RPTOR: variants seen among roughly 807,000 people sequenced by gnomAD.
RPTOR encodes regulatory associated protein of MTOR complex 1.
Under a neutral mutation model 169.9 loss-of-function variants are expected in RPTOR, and 21 were observed. That is an observed-to-expected ratio of 0.12 (90% confidence interval 0.09 to 0.18). RPTOR has a LOEUF of 0.18. Ranked by LOEUF, RPTOR falls within the 10% of genes least tolerant of loss-of-function variation. The pLI is 1.00. For synonymous variants in RPTOR, 732 were observed against 753.2 expected, an observed-to-expected ratio of 0.97 and a Z score of 0.46; for missense variants, 1,133 against 1,855.9, an observed-to-expected ratio of 0.61 and a Z score of 7.16.
At position 80,577,907 on chromosome 17, in the gene RPTOR, T is replaced by A. The variant is rs532481337; in HGVS notation, c.162+32116T>A. On this transcript the variant is annotated intron_variant, in intron 1 of 33. Coordinates refer to ENST00000306801, the MANE Select transcript of RPTOR (RefSeq NM_020761.3). Reference sequence around the variant, plus strand: ...AACACTTCTTAGGCTTATGCAAACATGTTTAGGTTATTTTAGCTGATTGAA... The same window carrying A: ...AACACTTCTTAGGCTTATGCAAACAAGTTTAGGTTATTTTAGCTGATTGAA... Among the ~76,000 whole-genome samples, 190 of 152,274 alleles carry A rather than the reference T, an allele frequency of 1.2e-3. 1 individual carries two copies. Among genetic ancestry groups the A allele is most frequent in the Non-Finnish European group, 7.4e-4 (50 of 68,018 alleles).
intron 1 of RPTOR, among the ~76,000 whole-genome samples, chr17:80,549,865 C>T (rs543208268): frequency 6.6e-6 from 1 of 152,334 alleles, no homozygotes; most frequent in Admixed American, 6.5e-5. Flanking sequence ...GTGTCATTGT[C>T]AGACACTATT....
chr17:80,640,877 A>G (rs1157010875), intron 2 of RPTOR, among the ~76,000 whole-genome samples: 1 of 152,172 alleles, frequency 6.6e-6, no homozygotes, highest in African/African-American at 2.4e-5. Flanking sequence ...TGATGCATGG[A>G]CAGTTTTCTG....
In RPTOR at chr17:80,747,000, T is replaced by C. The variant is rs2066582661; in HGVS notation, c.655-7010T>C. Among the ~76,000 whole-genome samples the C allele has an allele frequency of 6.6e-6, 1 of 152,088 alleles. No homozygotes were observed. Among genetic ancestry groups the C allele is most frequent in the Admixed American group, 6.5e-5 (1 of 15,268 alleles). ...CGGGAGGCCGAGGCAGGCAGCTCAC[T>C]TGAGGTCAGGAATTCGAGACCAGCC... On this transcript the variant is annotated intron_variant, in intron 5 of 33. Coordinates refer to ENST00000306801, the MANE Select transcript of RPTOR (RefSeq NM_020761.3). The surrounding 1 kb of genome is among the most constrained non-coding windows in gnomAD (Gnocchi z 4.5).
chr17:80,926,069 T>C, intron 24 of RPTOR, among the ~76,000 whole-genome samples: 1 of 152,222 alleles, frequency 6.6e-6, no homozygotes, highest in East Asian at 1.9e-4. Flanking sequence ...CGTGGAGATT[T>C]TCTATAAATC....
chr17:80,735,230 C>T (rs1340870139), intron 5 of RPTOR, among the ~76,000 whole-genome samples: 1 of 152,146 alleles, frequency 6.6e-6, no homozygotes, highest in African/African-American at 2.4e-5. Context: ...TAACCACATC[C>T]ATTATCGATA....
chr17:80,798,975 G>A (rs552074754), intron 7 of RPTOR, among the ~76,000 whole-genome samples: 7 of 152,192 alleles, frequency 4.6e-5, no homozygotes, highest in South Asian at 4.2e-4. Context: ...ACATTAAAAC[G>A]TACACAGTCA....
rs1313338793 is a variant in RPTOR, at chr17:80,726,388, G to A, written c.508-4172G>A. Among the ~76,000 whole-genome samples, 1 of 152,224 alleles carries A rather than the reference G, an allele frequency of 6.6e-6. No individual in the cohort carries two copies. Among genetic ancestry groups the A allele is most frequent in the Non-Finnish European group, 1.5e-5 (1 of 68,034 alleles). On this transcript the variant is annotated intron_variant, in intron 4 of 33. Coordinates refer to ENST00000306801, the MANE Select transcript of RPTOR (RefSeq NM_020761.3). The surrounding 1 kb of genome is among the most constrained non-coding windows in gnomAD (Gnocchi z 4.5). The stretch of plus-strand genomic sequence containing the variant: ...GCTCGCCGCCCACAGATCACGGGGC[G>A]TGGAGGGAGAGACTGCCAGTGCTGT...
In RPTOR at chr17:80,726,973, G is replaced by T. The variant is rs1013537988; in HGVS notation, c.508-3587G>T. Reference sequence around the variant, plus strand: ...CCCCAACCCCTGGGGACCTGTGAGCGCAGCCTGCAAGCTCCGGCTCCAGGA... The same window carrying T: ...CCCCAACCCCTGGGGACCTGTGAGCTCAGCCTGCAAGCTCCGGCTCCAGGA... On this transcript the variant is annotated intron_variant, in intron 4 of 33. Transcript: ENST00000306801. The surrounding 1 kb of genome is among the most constrained non-coding windows in gnomAD (Gnocchi z 4.5). 1.3e-5 allele frequency among the ~76,000 whole-genome samples: 2 copies of T among 152,122 alleles called. No homozygotes were observed. The highest frequency in any genetic ancestry group is 4.8e-5 in the African/African-American group (2 of 41,416).
At chr17:80,790,069 G>C (rs2067031810) in intron 6 of RPTOR, among the ~76,000 whole-genome samples, 1 of 152,186 alleles carries the variant, frequency 6.6e-6, no homozygotes, top group Non-Finnish European at 1.5e-5. Flanking sequence ...GGAGCTGCAT[G>C]TGTCTGTGCT....
At chr17:80,627,660 A>C (rs1370969300) in intron 2 of RPTOR, among the ~76,000 whole-genome samples, 1 of 151,788 alleles carries the variant, frequency 6.6e-6, no homozygotes, top group South Asian at 2.1e-4. Context: ...TTCCATTTTT[A>C]TGGCTCCCTC....
Position 80,965,909 on chromosome 17 carries a change from G to C in RPTOR, c.*1579G>C, listed in dbSNP as rs901157764. 4.3e-6 allele frequency: 1 copy of C among 233,216 alleles called. No individual in the cohort carries two copies. Among genetic ancestry groups the C allele is most frequent in the African/African-American group, 2.2e-5 (1 of 45,346 alleles). The allele number at this position is 233,216 out of a possible 1,614,324, so 14.4% of individuals were successfully genotyped here. A position where few individuals can be genotyped will look rare whatever the true frequency, so the allele number is the denominator to read the frequency against. Reference sequence around the variant, plus strand: ...ACGTCTGGGCCGAGAAAGCAGCCCGGGTCCGGAAGGTGTAGAGAGTCCCGG... The same window carrying C: ...ACGTCTGGGCCGAGAAAGCAGCCCGCGTCCGGAAGGTGTAGAGAGTCCCGG... On this transcript the variant is annotated 3_prime_UTR_variant, in exon 34 of 34. Coordinates refer to ENST00000306801, the MANE Select transcript of RPTOR (RefSeq NM_020761.3).
chr17:80,908,863 G>A lies in RPTOR; in HGVS notation c.2454G>A (p.Leu818=). Residue 818 remains leucine (L), a synonymous_variant, in exon 21 of 34, where the codon CTG becomes CTA. Transcript: ENST00000306801. ...AGATTTGGAGAGTCCTGCTGCACCT[G>A]GCTGCTGACCCCTATCCAGAGGTCT... ...YTQIWRVLLH[L]AADPYPEVSD... 1.9e-6 allele frequency: 3 copies of A among 1,613,994 alleles called. No homozygotes were observed. The highest frequency in any genetic ancestry group is 2.5e-6 in the Non-Finnish European group (3 of 1,180,004).
intron 6 of RPTOR, among the ~76,000 whole-genome samples, chr17:80,758,546 TATC>T (rs1471807420): frequency 1.3e-5 from 2 of 152,124 alleles, no homozygotes; most frequent in Non-Finnish European, 2.9e-5. Flanking sequence ...ATTAGGCCAT[TATC>T]ATATCAGTGC....
At chr17:80,831,845 CCCTGTGTGTG>C (rs1406345724) in intron 9 of RPTOR, among the ~76,000 whole-genome samples, 1 of 33,104 alleles carries the variant, frequency 3.0e-5, no homozygotes, top group East Asian at 5.4e-3. Context: ...CACTGTGTAT[CCCTGTGTGTG>C]CCTGTATGTC....
At chr17:80,833,793 C>CGGT (rs2067533590) in intron 9 of RPTOR, among the ~76,000 whole-genome samples, 1 of 152,134 alleles carries the variant, frequency 6.6e-6, no homozygotes, top group Non-Finnish European at 1.5e-5. Context: ...AGTTCGAGAC[C>CGGT]CGCCTGACCA....
intron 3 of RPTOR, among the ~76,000 whole-genome samples, chr17:80,690,718 C>T (rs1366014907): frequency 2.6e-5 from 4 of 151,854 alleles, no homozygotes; most frequent in Non-Finnish European, 2.9e-5. Context: ...TCTGATAGTC[C>T]CTCTGTGATA....
At chr17:80,940,002 A>G (rs1461075885) in intron 24 of RPTOR, among the ~76,000 whole-genome samples, 1 of 152,178 alleles carries the variant, frequency 6.6e-6, no homozygotes, top group Non-Finnish European at 1.5e-5. Flanking sequence ...GGGAGGGACC[A>G]GCGATGTGTT....
chr17:80,634,367 ATACTGTGTG>A (rs2065473894), intron 2 of RPTOR, among the ~76,000 whole-genome samples: 1 of 59,574 alleles, frequency 1.7e-5, no homozygotes, highest in African/African-American at 8.7e-5. Context: ...CTGTGTGTGC[ATACTGTGTG>A]TGTGCATACT....
intron 11 of RPTOR, among the ~76,000 whole-genome samples, chr17:80,854,237 T>C (rs2067827821): frequency 6.6e-6 from 1 of 152,218 alleles, no homozygotes; most frequent in Non-Finnish European, 1.5e-5. Flanking sequence ...CTAATAATAG[T>C]GTAATATGGG....
Sources: allele counts gnomAD v4.1 joint callset (sites outside exome capture counted in the v4.1 genomes callset), GRCh38; gene constraint gnomAD v4.1.1; non-coding constraint Gnocchi (gnomAD v3.1); transcripts MANE v1.5; gene names NCBI Gene and HGNC (gene_info 2026-07-23, HGNC 2026-07-21).